SUSD1: variants seen among roughly 807,000 people sequenced by gnomAD.
SUSD1 encodes sushi domain containing 1.
Under a neutral mutation model 86.9 loss-of-function variants are expected in SUSD1, and 65 were observed. The observed-to-expected ratio is 0.75, with a 90% CI of 0.61 to 0.92. SUSD1 has a LOEUF of 0.92. SUSD1 is among the 40% of genes least tolerant of loss of function. The probability of loss-of-function intolerance (pLI) is 0.00; values close to 1 mark genes in which losing one functional copy is unlikely to be tolerated. For synonymous variants in SUSD1, 346 were observed against 350.0 expected (o/e 0.99, Z 0.13); for missense variants, 850 against 929.7 (o/e 0.91, Z 1.11).
intron 10 of SUSD1, among the ~76,000 whole-genome samples, chr9:112,087,268 C>A (rs879427043): frequency 1.3e-5 from 2 of 152,122 alleles, no homozygotes; most frequent in Non-Finnish European, 2.9e-5. Flanking sequence ...GCTCACTGAA[C>A]CCTGCTGGGT....
chr9:112,075,674 G>T (rs993196117), intron 12 of SUSD1, among the ~76,000 whole-genome samples: 2 of 152,196 alleles, frequency 1.3e-5, no homozygotes, highest in African/African-American at 4.8e-5. Context: ...CAGCCCAGGG[G>T]CTCAAGGCTG....
intron 8 of SUSD1, among the ~76,000 whole-genome samples, chr9:112,106,907 T>G (rs1395286278): frequency 6.6e-6 from 1 of 150,922 alleles, no homozygotes; most frequent in Non-Finnish European, 1.5e-5. Flanking sequence ...ACTATCTGAC[T>G]CACTGGAAAA....
chr9:112,160,934 A>C (rs185425386), intron 1 of SUSD1, among the ~76,000 whole-genome samples: 91 of 152,380 alleles, frequency 6.0e-4, no homozygotes, highest in Non-Finnish European at 9.4e-4. Context: ...AAGGCTCCAC[A>C]TTAGAAGGAC....
At chr9:112,058,348 T>C in intron 14 of SUSD1, 80 bp downstream of exon 14, 1 of 1,514,474 alleles carries the variant, frequency 6.6e-7, no homozygotes, top group South Asian at 1.3e-5. Context: ...CTCATATACT[T>C]GGAAAATAAA....
intron 10 of SUSD1, among the ~76,000 whole-genome samples, chr9:112,082,875 G>A (rs549477898): frequency 4.0e-5 from 6 of 151,768 alleles, no homozygotes; most frequent in Admixed American, 1.3e-4. Flanking sequence ...ACACCACCAC[G>A]TCCGGCTTAT....
intron 3 of SUSD1, among the ~76,000 whole-genome samples, chr9:112,148,334 A>G (rs1002503139): frequency 1.3e-5 from 2 of 152,108 alleles, no homozygotes; most frequent in African/African-American, 4.8e-5. Flanking sequence ...GTTTGTCCCC[A>G]CCCTGTATTC....
At chr9:112,173,338 A>T (rs1447259971) in intron 1 of SUSD1, among the ~76,000 whole-genome samples, 5 of 152,188 alleles carry the variant, frequency 3.3e-5, no homozygotes, top group African/African-American at 1.2e-4. Flanking sequence ...ATGTCATCAC[A>T]TGGAAATTTC....
At chr9:112,048,597 G>A (rs1444731004) in intron 15 of SUSD1, among the ~76,000 whole-genome samples, 1 of 152,152 alleles carries the variant, frequency 6.6e-6, no homozygotes, top group Admixed American at 6.5e-5. Flanking sequence ...GCCAGGCTCT[G>A]TTCCTCCTCT....
chr9:112,114,363 G>T (rs970640334), intron 6 of SUSD1, among the ~76,000 whole-genome samples: 3 of 151,334 alleles, frequency 2.0e-5, no homozygotes, highest in African/African-American at 4.9e-5. Context: ...CATGCCTGTA[G>T]TCCCAGCTAC....
At chr9:112,156,617 C>T (rs1320822237) in intron 2 of SUSD1, among the ~76,000 whole-genome samples, 1 of 152,102 alleles carries the variant, frequency 6.6e-6, no homozygotes, top group Non-Finnish European at 1.5e-5. Context: ...CACTATGCTG[C>T]CCAGGCTGGT....
rs1381175035 is a variant in SUSD1, at chr9:112,149,402, G to A, written c.218-3C>T. On this transcript the variant is annotated splice_polypyrimidine_tract_variant and splice_region_variant and intron_variant, in intron 2 of 16. Transcript: ENST00000374270. ...TCCAAACTGGCACTCATTTTTATCTGTTGACACACAGACAAGGCACCGGAA... is the reference window on the plus strand; with the variant it reads ...TCCAAACTGGCACTCATTTTTATCTATTGACACACAGACAAGGCACCGGAA... The A allele has an allele frequency of 1.8e-5, 29 of 1,613,630 alleles. No homozygotes were observed. Among genetic ancestry groups the A allele is most frequent in the Non-Finnish European group, 2.4e-5 (28 of 1,179,860 alleles).
chr9:112,136,809 T>C (rs1261023850), intron 5 of SUSD1, among the ~76,000 whole-genome samples: 1 of 152,208 alleles, frequency 6.6e-6, no homozygotes, highest in Admixed American at 6.5e-5. Context: ...TTCAAACTCT[T>C]TCCACTTTTG....
At chr9:112,164,816 T>C (rs1209766293) in intron 1 of SUSD1, among the ~76,000 whole-genome samples, 14 of 152,090 alleles carry the variant, frequency 9.2e-5, no homozygotes, top group Non-Finnish European at 1.5e-5. Context: ...TGGTGGCCGG[T>C]GCCTGTAGTC....
chr9:112,165,241 G>A (rs1221961575), intron 1 of SUSD1, among the ~76,000 whole-genome samples: 1 of 152,100 alleles, frequency 6.6e-6, no homozygotes, highest in Non-Finnish European at 1.5e-5. Flanking sequence ...GCAATGCGTA[G>A]TAATCATGTA....
intron 15 of SUSD1, 143 bp from the exon 16 acceptor site, chr9:112,042,103 G>A (rs767844037): frequency 1.9e-6 from 3 of 1,543,300 alleles, no homozygotes; most frequent in Non-Finnish European, 2.6e-6. Flanking sequence ...CAACATGCCT[G>A]TGTGTCCCCT....
At chr9:112,116,911 A>G (rs1831349280) in intron 6 of SUSD1, among the ~76,000 whole-genome samples, 1 of 152,238 alleles carries the variant, frequency 6.6e-6, no homozygotes, top group Non-Finnish European at 1.5e-5. Context: ...AGGCCGAGGC[A>G]GACGGATTAC....
chr9:112,156,495 C>T (rs1833330154), intron 2 of SUSD1, among the ~76,000 whole-genome samples: 1 of 151,962 alleles, frequency 6.6e-6, no homozygotes, highest in South Asian at 2.1e-4. Context: ...AAGCTTCGAA[C>T]TCCTGGGCTC....
chr9:112,050,633 T>C (rs1249032728), intron 15 of SUSD1, among the ~76,000 whole-genome samples: 2 of 152,164 alleles, frequency 1.3e-5, no homozygotes, highest in African/African-American at 4.8e-5. Flanking sequence ...GTTAAACTGA[T>C]ACTGTGGGCT....
At chr9:112,090,303 C>T (rs1329034299) in intron 10 of SUSD1, among the ~76,000 whole-genome samples, 1 of 151,990 alleles carries the variant, frequency 6.6e-6, no homozygotes, top group Non-Finnish European at 1.5e-5. Context: ...AAATTGACTC[C>T]ATTAGACAGA....
Sources: gnomAD v4.1 joint callset for allele counts (sites outside exome capture counted in the v4.1 genomes callset) on GRCh38, gnomAD v4.1.1 for gene constraint, MANE v1.5 for transcripts, NCBI Gene and HGNC (gene_info 2026-07-23, HGNC 2026-07-21) for gene names.